Variants in FLRT2 observed in about 807,000 individuals in gnomAD.
FLRT2 encodes the protein leucine-rich repeat transmembrane protein FLRT2.
A neutral mutation model predicts 40.0 loss-of-function variants in FLRT2; 15 were observed. That is an observed-to-expected ratio of 0.38 (90% confidence interval 0.25 to 0.58). The LOEUF is 0.58. Ranked by LOEUF, FLRT2 falls within the 20% of genes least tolerant of loss-of-function variation. The pLI is 0.71. For missense variants in FLRT2, 726 were observed against 840.0 expected (o/e 0.86, Z 1.68); for synonymous variants, 380 against 336.8 (o/e 1.13, Z -1.41).
chr14:85,552,397 A>G (rs776842057), intron 1 of FLRT2, among the ~76,000 whole-genome samples: 3 of 152,240 alleles, frequency 2.0e-5, no homozygotes, highest in Non-Finnish European at 2.9e-5. Flanking sequence ...ATTAAATAAG[A>G]TAATCCACAG....
At chr14:85,551,603 T>C (rs1228153092) in intron 1 of FLRT2, 1 of 152,240 alleles carries the variant, frequency 6.6e-6, no homozygotes, top group Non-Finnish European at 1.5e-5. Context: ...GATGGATGAA[T>C]GCATGCATAC....
intron 1 of FLRT2, among the ~76,000 whole-genome samples, chr14:85,541,886 G>T (rs1889003597): frequency 6.6e-6 from 1 of 152,130 alleles, no homozygotes; most frequent in Non-Finnish European, 1.5e-5. Context: ...GGAGTTCCAT[G>T]TCTAGACTAT....
At chr14:85,608,816 C>T (rs566986758) in intron 1 of FLRT2, among the ~76,000 whole-genome samples, 48 of 152,328 alleles carry the variant, frequency 3.2e-4, no homozygotes, top group East Asian at 1.9e-3. Context: ...CCCACGCAAA[C>T]ATTTGCCAGC....
At chr14:85,614,190 A>G (rs1262508990) in intron 1 of FLRT2, among the ~76,000 whole-genome samples, 3 of 152,146 alleles carry the variant, frequency 2.0e-5, no homozygotes, top group Admixed American at 2.0e-4. Context: ...AGTTAACACA[A>G]CTGGGAAGTG....
intron 1 of FLRT2, among the ~76,000 whole-genome samples, chr14:85,540,601 C>T (rs1051867080): frequency 2.0e-5 from 3 of 151,980 alleles, no homozygotes; most frequent in East Asian, 3.8e-4. Flanking sequence ...GGTTGGATCC[C>T]GATTCTTGGC....
In FLRT2 at chr14:85,622,041, T is replaced by G; in HGVS notation, c.527T>G (p.Val176Gly). The G allele has an allele frequency of 1.2e-6, 2 of 1,613,878 alleles. No individual in the cohort carries two copies. Among genetic ancestry groups the G allele is most frequent in the Non-Finnish European group, 1.7e-6 (2 of 1,179,890 alleles). Reference protein sequence around the residue: ...LSKNHLSSVPVGLPVDLQELR... With the variant: ...LSKNHLSSVPGGLPVDLQELR... ...AAGAATCACCTGAGCAGTGTGCCTG[T>G]TGGGCTTCCTGTGGACTTGCAAGAG... The change falls in exon 2 of 2, where the codon GTT becomes GGT. Residue 176 changes from valine (V) to glycine (G), a missense_variant. Val to Gly is a moderately radical substitution (Grantham distance 109). This residue lies in a region of FLRT2 where 611 missense variants were observed against 690.0 expected (regional missense o/e 0.89). Coordinates refer to ENST00000330753, the MANE Select transcript of FLRT2 (RefSeq NM_013231.6).
intron 1 of FLRT2, among the ~76,000 whole-genome samples, chr14:85,612,031 A>G (rs1892902422): frequency 7.5e-6 from 1 of 133,212 alleles, no homozygotes; most frequent in African/African-American, 2.8e-5. Flanking sequence ...CCTGGGTGAC[A>G]TGGACTGAGT....
At chr14:85,555,084 G>A (rs1301157971) in intron 1 of FLRT2, among the ~76,000 whole-genome samples, 1 of 152,176 alleles carries the variant, frequency 6.6e-6, no homozygotes, top group Non-Finnish European at 1.5e-5. Flanking sequence ...TATAAAAGCT[G>A]TTTTTAAAGA....
chr14:85,595,367 T>G (rs566249314), intron 1 of FLRT2, among the ~76,000 whole-genome samples: 1 of 152,096 alleles, frequency 6.6e-6, no homozygotes, highest in South Asian at 2.1e-4. Context: ...TTTACTTAAC[T>G]TTAGTTTTAA....
At chr14:85,543,081 T>C (rs1273246873) in intron 1 of FLRT2, among the ~76,000 whole-genome samples, 1 of 152,206 alleles carries the variant, frequency 6.6e-6, no homozygotes, top group Non-Finnish European at 1.5e-5. Context: ...TTTAACCCTG[T>C]AAGTTTAGAG....
At chr14:85,613,656 C>G (rs1402221820) in intron 1 of FLRT2, among the ~76,000 whole-genome samples, 1 of 152,110 alleles carries the variant, frequency 6.6e-6, no homozygotes. Context: ...GTGTTACAAA[C>G]AGATCTTGAA....
chr14:85,574,651 AT>A (rs112651765), intron 1 of FLRT2, among the ~76,000 whole-genome samples: 38,164 of 150,610 alleles, frequency 0.25, 4,959 homozygotes, highest in South Asian at 0.34. Flanking sequence ...TAAATTGAAG[AT>A]TTTTTTTTTA....
rs904297718 is a variant in FLRT2 at position 85,628,655 on chromosome 14, T to C, written c.*5158T>C. 3.9e-5 allele frequency: 6 copies of C among 152,190 alleles called. No homozygotes were observed. The highest frequency in any genetic ancestry group is 8.8e-5 in the Non-Finnish European group (6 of 68,024). 9.4% of individuals were successfully genotyped at this position (152,190 alleles called of 1,614,324 possible). On this transcript the variant is annotated 3_prime_UTR_variant, in exon 2 of 2. Coordinates refer to ENST00000330753, the MANE Select transcript of FLRT2 (RefSeq NM_013231.6). Reference sequence around the variant, plus strand: ...TCATTAATAATGTATTTGACAGAGATTGAATCAGGAAATAAATTCATGACA... The same window carrying C: ...TCATTAATAATGTATTTGACAGAGACTGAATCAGGAAATAAATTCATGACA...
intron 1 of FLRT2, among the ~76,000 whole-genome samples, chr14:85,593,754 G>A (rs953991545): frequency 2.6e-5 from 4 of 152,140 alleles, no homozygotes; most frequent in Non-Finnish European, 5.9e-5. Context: ...AAGATACTTA[G>A]CATCTGATAT....
chr14:85,601,487 G>T (rs1392664318), intron 1 of FLRT2, among the ~76,000 whole-genome samples: 2 of 152,174 alleles, frequency 1.3e-5, no homozygotes, highest in Non-Finnish European at 2.9e-5. Context: ...TGTCCTAGCA[G>T]CTGGTGAATG....
intron 1 of FLRT2, among the ~76,000 whole-genome samples, chr14:85,535,745 A>C (rs530289236): frequency 6.6e-6 from 1 of 152,266 alleles, no homozygotes; most frequent in African/African-American, 2.4e-5. Flanking sequence ...GTTGAGTTGC[A>C]AATATCTTTG....
rs1893822402 is a variant in FLRT2 at position 85,629,898 on chromosome 14, C to G, written c.*6401C>G. ...TCTTTTTGTGATTATTTGATGGCTG[C>G]ACATTTATCTGATTTGAAGGTTTCA... is the stretch of plus-strand genomic sequence containing the variant. On this transcript the variant is annotated 3_prime_UTR_variant, in exon 2 of 2. Coordinates refer to ENST00000330753, the MANE Select transcript of FLRT2 (RefSeq NM_013231.6). The G allele has an allele frequency of 6.6e-6, 1 of 152,096 alleles. No individual in the cohort carries two copies. Among genetic ancestry groups the G allele is most frequent in the Admixed American group, 6.6e-5 (1 of 15,238 alleles). 9.4% of individuals were successfully genotyped at this position (152,096 alleles called of 1,614,324 possible).
At chr14:85,551,795 C>G (rs1327364795) in intron 1 of FLRT2, 2 of 152,152 alleles carry the variant, frequency 1.3e-5, no homozygotes, top group Admixed American at 6.5e-5. Context: ...GAACCATTTT[C>G]CATAATCTTT....
At chr14:85,568,084 G>C (rs752520259) in intron 1 of FLRT2, among the ~76,000 whole-genome samples, 2 of 152,032 alleles carry the variant, frequency 1.3e-5, no homozygotes, top group Non-Finnish European at 2.9e-5. Context: ...GAAATTAGCT[G>C]TTTTTGTTCT....
Sources: allele counts gnomAD v4.1 joint callset (sites outside exome capture counted in the v4.1 genomes callset), GRCh38; gene constraint gnomAD v4.1.1; regional missense constraint gnomAD v4.1.1; transcripts MANE v1.5; gene names NCBI Gene and HGNC (gene_info 2026-07-23, HGNC 2026-07-21).